YTHDF2: variants seen among roughly 807,000 people sequenced by gnomAD.
YTHDF2 encodes the protein YTH domain-containing family protein 2.
YTHDF2 carries 2 observed loss-of-function variants against 50.4 expected under a neutral mutation model. The ratio of observed to expected loss-of-function variants is 0.04; its 90% confidence interval spans 0.02 to 0.12. The LOEUF is 0.12. Among genes scored for constraint, YTHDF2 ranks in the 10% least tolerant of loss-of-function variants. The pLI, the probability that YTHDF2 is intolerant of heterozygous loss-of-function variation, is 1.00. For missense variants in YTHDF2, 483 were observed against 722.6 expected (o/e 0.67, Z 3.80); for synonymous variants, 217 against 255.6 (o/e 0.85, Z 1.44).
intron 2 of YTHDF2, among the ~76,000 whole-genome samples, chr1:28,738,049 AC>A (rs1161451067): frequency 6.6e-6 from 1 of 151,834 alleles, no homozygotes; most frequent in Non-Finnish European, 1.5e-5. Flanking sequence ...CAATAAAATG[AC>A]CTTTTTAGAT....
intron 1 of YTHDF2, 146 bp downstream of exon 1, chr1:28,737,293 G>A (rs921079842): frequency 1.1e-5 from 12 of 1,064,964 alleles, no homozygotes; most frequent in Non-Finnish European, 1.5e-5. Flanking sequence ...GGCCGGCCGC[G>A]CCCGGCGCCT....
intron 4 of YTHDF2, among the ~76,000 whole-genome samples, chr1:28,747,574 G>A (rs1280882806): frequency 1.5e-5 from 2 of 137,590 alleles, no homozygotes; most frequent in African/African-American, 2.7e-5. Context: ...TTTTTTGAGA[G>A]ACGAATCTCA....
chr1:28,754,318 A>G (rs954551210), intron 4 of YTHDF2, among the ~76,000 whole-genome samples: 1 of 152,056 alleles, frequency 6.6e-6, no homozygotes, highest in East Asian at 1.9e-4. Flanking sequence ...ATTTGAGGCC[A>G]TGAGTTTGAT....
At chr1:28,757,740 G>T (rs1547732) in intron 4 of YTHDF2, among the ~76,000 whole-genome samples, 3 of 132,062 alleles carry the variant, frequency 2.3e-5, no homozygotes, top group Non-Finnish European at 4.5e-5. Context: ...GAAAACAAAA[G>T]AAATCACCTG....
intron 2 of YTHDF2, 74 bp downstream of exon 2, chr1:28,737,756 C>T (rs768386816): frequency 2.1e-5 from 33 of 1,576,134 alleles, no homozygotes; most frequent in Non-Finnish European, 2.8e-5. Flanking sequence ...CTCCGGGAAG[C>T]GCCCCGGGCG....
In YTHDF2 at chr1:28,748,981, T is replaced by C. The variant is rs566494247; in HGVS notation, c.1716+4995T>C. Among the ~76,000 whole-genome samples, 3 of 152,278 alleles carry C rather than the reference T, an allele frequency of 2.0e-5. No homozygotes were observed. In the South Asian group the frequency reaches 6.2e-4, roughly 32 times the overall value. On this transcript the variant is annotated intron_variant, in intron 4 of 4. Transcript: ENST00000373812. ...CTTTAGTAGTTAAATGTGTCAAAGG[T>C]ATATGGTTTTTTAAAATTAGTATTT... is the stretch of plus-strand genomic sequence containing the variant.
intron 3 of YTHDF2, 102 bp from the exon 4 acceptor site, chr1:28,742,301 C>T (rs1223113747): frequency 1.4e-6 from 2 of 1,442,616 alleles, no homozygotes; most frequent in African/African-American, 1.4e-5. Context: ...GGCCTGCACA[C>T]TCCTTTTTAT....
At chr1:28,742,249 C>T (rs2087787685) in intron 3 of YTHDF2, among the ~76,000 whole-genome samples, 154 bp from the exon 4 acceptor site, 1 of 152,130 alleles carries the variant, frequency 6.6e-6, no homozygotes, top group Admixed American at 6.6e-5. Context: ...CCCGCCTCCA[C>T]CTCCCAAAGT....
intron 4 of YTHDF2, among the ~76,000 whole-genome samples, chr1:28,745,072 T>C (rs1291658013): frequency 2.0e-5 from 3 of 152,178 alleles, no homozygotes; most frequent in African/African-American, 7.2e-5. Flanking sequence ...TTGATTAATC[T>C]CAAATATAAA....
chr1:28,743,204 A>G lies in YTHDF2; in HGVS notation c.934A>G (p.Asn312Asp). Reference sequence around the variant, plus strand: ...TCCTCAGCCTGTAGGTCAGCAGGCTAACAATAGCCCACCAGTGGCTCAGGC... The same window carrying G: ...TCCTCAGCCTGTAGGTCAGCAGGCTGACAATAGCCCACCAGTGGCTCAGGC... ...GSPQPVGQQA[N>D]NSPPVAQASV... is the part of the protein sequence containing the mutation. Residue 312 changes from asparagine to aspartate, a missense_variant, in exon 4 of 5, where the codon AAC (asparagine) becomes GAC (aspartate). Physicochemically the swap from Asn to Asp is conservative, Grantham distance 23. Transcript: ENST00000373812. This position sits in a 1 kb window ranked among gnomAD's most constrained non-coding sequence, Gnocchi z 6.9. The G allele has an allele frequency of 6.2e-7, 1 of 1,614,180 alleles. No homozygotes were observed. Among genetic ancestry groups the G allele is most frequent in the Non-Finnish European group, 8.5e-7 (1 of 1,180,040 alleles).
intron 4 of YTHDF2, among the ~76,000 whole-genome samples, chr1:28,759,192 T>C (rs1433846983): frequency 6.6e-6 from 1 of 152,116 alleles, no homozygotes; most frequent in Non-Finnish European, 1.5e-5. Context: ...TAAATTTGGG[T>C]GTATAAAGTT....
At position 28,738,276 on chromosome 1, in the gene YTHDF2, C is replaced by T. The variant is rs1302918126; in HGVS notation, c.70C>T (p.His24Tyr). 1.2e-6 allele frequency: 2 copies of T among 1,613,854 alleles called. No individual in the cohort carries two copies. Among genetic ancestry groups the T allele is most frequent in the Non-Finnish European group, 1.7e-6 (2 of 1,179,908 alleles). ...TTCTTTAGTACAAAATGGATCTGTA[C>T]ATCAAAAGGATGGATTAAACGATGA... ...QGNKVQNGSV[H>Y]QKDGLNDDDF... The change falls in exon 3 of 5, where the codon CAT becomes TAT. Residue 24 changes from histidine (H) to tyrosine (Y), a missense_variant. Coordinates refer to ENST00000373812, the MANE Select transcript of YTHDF2 (RefSeq NM_016258.3).
intron 4 of YTHDF2, among the ~76,000 whole-genome samples, chr1:28,757,670 A>G (rs564167415): frequency 6.6e-6 from 1 of 152,336 alleles, no homozygotes; most frequent in Non-Finnish European, 1.5e-5. Flanking sequence ...CAAACTATAA[A>G]TATTTGCAAG....
Position 28,737,074 on chromosome 1 carries a change from G to A in YTHDF2, c.-47G>A. 2 of 1,572,966 alleles carry A rather than the reference G, an allele frequency of 1.3e-6. No individual in the cohort carries two copies. The highest frequency in any genetic ancestry group is 1.9e-4 in the Middle Eastern group (1 of 5,336). On this transcript the variant is annotated 5_prime_UTR_variant, in exon 1 of 5. Coordinates refer to ENST00000373812, the MANE Select transcript of YTHDF2 (RefSeq NM_016258.3). ...GGGGCTCATCTGCCGCCGCCGCCGC[G>A]CTGAGGAGAGTTCGCCGCCGTCGCC...
chr1:28,752,914 C>T (rs1427011132), intron 4 of YTHDF2, among the ~76,000 whole-genome samples: 1 of 151,428 alleles, frequency 6.6e-6, no homozygotes, highest in Admixed American at 6.6e-5. Flanking sequence ...GACTTGGTGG[C>T]GCATAACTAA....
At chr1:28,751,811 G>T (rs771903177) in intron 4 of YTHDF2, among the ~76,000 whole-genome samples, 5 of 152,180 alleles carry the variant, frequency 3.3e-5, no homozygotes, top group Non-Finnish European at 7.4e-5. Context: ...ATAGAGGAAT[G>T]AATACATTTT....
intron 4 of YTHDF2, among the ~76,000 whole-genome samples, chr1:28,751,090 CAAAAA>C (rs56916547): frequency 8.9e-5 from 3 of 33,764 alleles, no homozygotes; most frequent in Non-Finnish European, 1.5e-4. Flanking sequence ...GAGACTGTCT[CAAAAA>C]AAAAAAAAAA....
chr1:28,740,597 A>C (rs1182243819), intron 3 of YTHDF2, among the ~76,000 whole-genome samples: 1 of 152,118 alleles, frequency 6.6e-6, no homozygotes, highest in East Asian at 1.9e-4. Flanking sequence ...TGAATTTCTT[A>C]TATATGTGGA....
intron 2 of YTHDF2, 54 bp downstream of exon 2, chr1:28,737,736 G>A (rs1359631316): frequency 6.2e-7 from 1 of 1,603,244 alleles, no homozygotes. Flanking sequence ...CGGGGCGGTG[G>A]GGGCGGGGTC....
Sources: allele counts gnomAD v4.1 joint callset (sites outside exome capture counted in the v4.1 genomes callset), GRCh38; gene constraint gnomAD v4.1.1; non-coding constraint Gnocchi (gnomAD v3.1); transcripts MANE v1.5; gene names NCBI Gene and HGNC (gene_info 2026-07-23, HGNC 2026-07-21).